Variants in ZBTB41 observed in about 807,000 individuals in gnomAD.
ZBTB41 encodes zinc finger and BTB domain-containing protein 41.
ZBTB41 carries 42 observed loss-of-function variants against 87.6 expected under a neutral mutation model. That is an observed-to-expected ratio of 0.48 (90% CI 0.37 to 0.62). The LOEUF (loss-of-function observed/expected upper bound fraction) is 0.62. Among genes scored for constraint, ZBTB41 ranks in the 20% least tolerant of loss-of-function variants. The pLI, the probability that ZBTB41 is intolerant of heterozygous loss-of-function variation, is 0.00. For synonymous variants in ZBTB41, 364 were observed against 364.0 expected (o/e 1.00, Z 0.00); for missense variants, 799 against 1,078.9 (o/e 0.74, Z 3.63).
At chr1:197,186,582 C>T (rs947835393) in intron 5 of ZBTB41, among the ~76,000 whole-genome samples, 1 of 152,170 alleles carries the variant, frequency 6.6e-6, no homozygotes, top group African/African-American at 2.4e-5. Context: ...AATGGGCCAG[C>T]CAGGCGTGGT....
intron 1 of ZBTB41, among the ~76,000 whole-genome samples, chr1:197,200,916 G>A (rs1260406000): frequency 6.6e-6 from 1 of 152,190 alleles, no homozygotes; most frequent in Non-Finnish European, 1.5e-5. Context: ...TCGTGGTTTA[G>A]GGGTGCTGGG....
chr1:197,188,340 A>G lies in ZBTB41; in HGVS notation c.1498T>C (p.Phe500Leu). Residue 500 changes from phenylalanine (F) to leucine (L), a missense_variant, in exon 5 of 11, where the codon TTT becomes CTT. By Grantham distance (22) the Phe-to-Leu change is conservative (BLOSUM62 0). Coordinates refer to ENST00000367405, the MANE Select transcript of ZBTB41 (RefSeq NM_194314.3). ...PFKCTYCEEH[F>L]KSRFARLKHQ... ...TTTAACCGAGCAAACCGTGATTTAA[A>G]ATGTTCTTCACAATAGGTACACTTA... 6.2e-7 allele frequency: 1 copy of G among 1,613,862 alleles called. No individual in the cohort carries two copies. The highest frequency in any genetic ancestry group is 8.5e-7 in the Non-Finnish European group (1 of 1,179,910).
chr1:197,176,763 T>G (rs777578064), intron 7 of ZBTB41, 93 bp from the exon 8 acceptor site: 2 of 908,174 alleles, frequency 2.2e-6, no homozygotes, highest in Non-Finnish European at 3.5e-6. Flanking sequence ...CAATGAAAAC[T>G]GGGCTGTCTA....
intron 2 of ZBTB41, among the ~76,000 whole-genome samples, chr1:197,197,365 T>C (rs1055544581): frequency 2.0e-5 from 3 of 151,750 alleles, no homozygotes; most frequent in African/African-American, 7.3e-5. Flanking sequence ...GTAATAGAGA[T>C]GAGAAACTAC....
chr1:197,181,162 A>C (rs1416209905), intron 5 of ZBTB41, 45 bp from the exon 6 acceptor site: 1 of 1,528,268 alleles, frequency 6.5e-7, no homozygotes, highest in Non-Finnish European at 8.7e-7. Context: ...TTTAAAGAGG[A>C]GATACTAAGT....
At chr1:197,166,140 T>C (rs1659339579) in intron 10 of ZBTB41, among the ~76,000 whole-genome samples, 1 of 151,970 alleles carries the variant, frequency 6.6e-6, no homozygotes, top group South Asian at 2.1e-4. Flanking sequence ...TGTATACCTA[T>C]GTAACAAACC....
At chr1:197,171,550 G>A (rs1335531736) in intron 10 of ZBTB41, among the ~76,000 whole-genome samples, 2 of 151,982 alleles carry the variant, frequency 1.3e-5, no homozygotes, top group African/African-American at 4.8e-5. Flanking sequence ...CAAGGATTCA[G>A]ACAATATATA....
chr1:197,160,884 T>C (rs1433360475), intron 10 of ZBTB41, among the ~76,000 whole-genome samples: 2 of 152,030 alleles, frequency 1.3e-5, no homozygotes, highest in South Asian at 4.1e-4. Flanking sequence ...TGAGGAAGAA[T>C]GGGTCAGACA....
chr1:197,156,812 G>T lies in ZBTB41; in HGVS notation c.*2547C>A, dbSNP rs1314808530. ...ATTATATTACGCATCTCCCAGACTA[G>T]GTTAAGATTAAATGACAGGATGTAG... On this transcript the variant is annotated 3_prime_UTR_variant, in exon 11 of 11. Transcript: ENST00000367405. The T allele has an allele frequency of 2.0e-5, 3 of 152,102 alleles. No individual in the cohort carries two copies. The highest frequency in any genetic ancestry group is 3.2e-3 in the Middle Eastern group (1 of 316). The allele number at this position is 152,102 out of a possible 1,614,324, so 9.4% of individuals were successfully genotyped here.
chr1:197,200,578 A>G lies in ZBTB41; in HGVS notation c.-105T>C. On this transcript the variant is annotated 5_prime_UTR_variant, in exon 2 of 11. Coordinates refer to ENST00000367405, the MANE Select transcript of ZBTB41 (RefSeq NM_194314.3). ...AACAGCTTCTGAAGGGGCGTGCCCA[A>G]GGGTTTCATGGTCTGCAAAAGAGTG... The G allele has an allele frequency of 8.5e-7, 1 of 1,182,164 alleles. No homozygotes were observed. Among genetic ancestry groups the G allele is most frequent in the Admixed American group, 2.8e-5 (1 of 36,130 alleles). The allele number at this position is 1,182,164 out of a possible 1,614,324, so 73.2% of individuals were successfully genotyped here.
intron 2 of ZBTB41, among the ~76,000 whole-genome samples, chr1:197,192,499 CA>C (rs1195489255): frequency 2.0e-5 from 3 of 152,166 alleles, no homozygotes. Flanking sequence ...GTGTCGAACA[CA>C]TAAGTTATCA....
At chr1:197,166,479 G>A (rs1397313447) in intron 10 of ZBTB41, among the ~76,000 whole-genome samples, 1 of 151,962 alleles carries the variant, frequency 6.6e-6, no homozygotes, top group East Asian at 1.9e-4. Context: ...CCTTTAAAGT[G>A]AATAAATAAA....
chr1:197,182,897 C>A (rs143362245), intron 5 of ZBTB41, among the ~76,000 whole-genome samples: 1 of 152,186 alleles, frequency 6.6e-6, no homozygotes, highest in East Asian at 1.9e-4. Flanking sequence ...CTGGGAAATC[C>A]GTTTTAATAA....
intron 6 of ZBTB41, among the ~76,000 whole-genome samples, chr1:197,180,279 C>T (rs1195360693): frequency 6.6e-6 from 1 of 152,036 alleles, no homozygotes; most frequent in Non-Finnish European, 1.5e-5. Context: ...ACCACATAGC[C>T]TACATGTGTA....
At chr1:197,183,349 G>C (rs1659803056) in intron 5 of ZBTB41, among the ~76,000 whole-genome samples, 1 of 152,110 alleles carries the variant, frequency 6.6e-6, no homozygotes, top group African/African-American at 2.4e-5. Context: ...TTTAACAAAT[G>C]AGGAAACTGG....
intron 10 of ZBTB41, among the ~76,000 whole-genome samples, chr1:197,161,779 A>C (rs1179602417): frequency 6.6e-6 from 1 of 152,074 alleles, no homozygotes; most frequent in Non-Finnish European, 1.5e-5. Flanking sequence ...TCCAAAATGC[A>C]AGAACTCTTA....
rs1429377140 is a variant in ZBTB41, at chr1:197,154,757, G to A, written c.*4602C>T. The A allele has an allele frequency of 1.3e-5, 2 of 152,450 alleles. No individual in the cohort carries two copies. Among genetic ancestry groups the A allele is most frequent in the African/African-American group, 4.8e-5 (2 of 41,442 alleles). The allele number at this position is 152,450 out of a possible 1,614,324, so 9.4% of individuals were successfully genotyped here. On this transcript the variant is annotated 3_prime_UTR_variant, in exon 11 of 11. Transcript: ENST00000367405. ...GTAGGATATAAGGAAGAACTGTCTA[G>A]TTTCTAGAAGTCGTTTAGAAAATTA...
chr1:197,166,194 A>T (rs1323850263), intron 10 of ZBTB41, among the ~76,000 whole-genome samples: 1 of 151,528 alleles, frequency 6.6e-6, no homozygotes, highest in Non-Finnish European at 1.5e-5. Context: ...GTATAATAAT[A>T]AAAAAAAAGA....
At chr1:197,196,402 T>A (rs1660163769) in intron 2 of ZBTB41, among the ~76,000 whole-genome samples, 1 of 152,190 alleles carries the variant, frequency 6.6e-6, no homozygotes, top group African/African-American at 2.4e-5. Context: ...GTATCATAAC[T>A]CTCTGCTTTA....
Sources: allele counts gnomAD v4.1 joint callset (sites outside exome capture counted in the v4.1 genomes callset), GRCh38; gene constraint gnomAD v4.1.1; transcripts MANE v1.5; gene names NCBI Gene and HGNC (gene_info 2026-07-23, HGNC 2026-07-21).